Variants in NTM observed in about 807,000 individuals in gnomAD.
NTM encodes neurotrimin, also known as IgLON family member 2.
A neutral mutation model predicts 42.1 loss-of-function variants in NTM; 13 were observed. That is an observed-to-expected ratio of 0.31 (90% CI 0.20 to 0.49). The LOEUF is 0.49. Among genes scored for constraint, NTM ranks in the 20% least tolerant of loss-of-function variants. NTM has a pLI of 0.99. For synonymous variants in NTM, 187 were observed against 179.2 expected (o/e 1.04, Z -0.35); for missense variants, 373 against 452.8 (o/e 0.82, Z 1.60).
At chr11:131,722,734 T>G (rs73593008) in intron 1 of NTM, among the ~76,000 whole-genome samples, 6,117 of 152,224 alleles carry the variant, frequency 0.04, 414 homozygotes, top group African/African-American at 0.14. Context: ...AGACACTGTC[T>G]CCCATGATGA....
chr11:131,387,574 G>C (rs1565451460), intron 1 of NTM, among the ~76,000 whole-genome samples: 1 of 152,296 alleles, frequency 6.6e-6, no homozygotes, highest in South Asian at 2.1e-4. Context: ...AGAAGAGGGT[G>C]CCTTTAGTTA....
intron 4 of NTM, among the ~76,000 whole-genome samples, chr11:132,280,498 T>C (rs1463132955): frequency 9.4e-6 from 1 of 106,786 alleles, no homozygotes. Flanking sequence ...TTTTTTTTTT[T>C]TTTTTGAGAT....
At chr11:131,659,872 A>T (rs1460166327) in intron 1 of NTM, among the ~76,000 whole-genome samples, 5 of 152,220 alleles carry the variant, frequency 3.3e-5, no homozygotes, top group African/African-American at 1.2e-4. Context: ...GGAGGAGGAA[A>T]GATGGAAAAC....
At chr11:132,010,976 T>G (rs1253096548) in intron 2 of NTM, among the ~76,000 whole-genome samples, 4 of 151,544 alleles carry the variant, frequency 2.6e-5, no homozygotes, top group African/African-American at 7.3e-5. Context: ...TCCCATAAAA[T>G]GAAAGTGACC....
intron 2 of NTM, among the ~76,000 whole-genome samples, chr11:132,069,706 AGGT>A (rs2136131437): frequency 6.7e-6 from 1 of 149,846 alleles, no homozygotes; most frequent in South Asian, 2.1e-4. Context: ...TCACACAGCC[AGGT>A]TAACACGTCA....
At chr11:132,075,241 C>T (rs1217757923) in intron 2 of NTM, among the ~76,000 whole-genome samples, 1 of 152,122 alleles carries the variant, frequency 6.6e-6, no homozygotes, top group African/African-American at 2.4e-5. Context: ...TTCTGGAAGT[C>T]TCCTGTACAA....
chr11:131,439,189 A>G (rs925107853), intron 1 of NTM, among the ~76,000 whole-genome samples: 1 of 152,112 alleles, frequency 6.6e-6, no homozygotes, highest in African/African-American at 2.4e-5. Flanking sequence ...TTCATCCCAG[A>G]GGGTCATCTG....
At chr11:131,908,404 G>A (rs1182347478) in intron 1 of NTM, among the ~76,000 whole-genome samples, 2 of 152,186 alleles carry the variant, frequency 1.3e-5, no homozygotes, top group Non-Finnish European at 2.9e-5. Context: ...CATATCCCTA[G>A]ATGCAAAAAC....
intron 1 of NTM, among the ~76,000 whole-genome samples, chr11:131,598,875 T>TTCTTC (rs2060192027): frequency 2.9e-5 from 1 of 35,004 alleles, no homozygotes; most frequent in African/African-American, 9.9e-5. Flanking sequence ...CTTCCTTCCT[T>TTCTTC]CTTCCTTCCT....
chr11:131,792,087 T>C (rs1394433743), intron 1 of NTM, among the ~76,000 whole-genome samples: 1 of 152,160 alleles, frequency 6.6e-6, no homozygotes, highest in African/African-American at 2.4e-5. Context: ...CTTTTCTGTT[T>C]TAAATAACTT....
chr11:132,320,485 G>T (rs374617896), intron 7 of NTM, among the ~76,000 whole-genome samples: 2 of 152,134 alleles, frequency 1.3e-5, no homozygotes, highest in Non-Finnish European at 2.9e-5. Flanking sequence ...AAAAAACGGC[G>T]CACCATGAGA....
intron 1 of NTM, among the ~76,000 whole-genome samples, chr11:131,680,010 A>T (rs755449192): frequency 6.6e-6 from 1 of 152,208 alleles, no homozygotes; most frequent in Non-Finnish European, 1.5e-5. Context: ...ATGATATTTT[A>T]TAGCAATATT....
intron 1 of NTM, among the ~76,000 whole-genome samples, chr11:131,528,141 C>T (rs1452569895): frequency 6.6e-6 from 1 of 152,154 alleles, no homozygotes; most frequent in Admixed American, 6.5e-5. Context: ...ACCTCTCTAT[C>T]TTTATGCTTG....
intron 2 of NTM, among the ~76,000 whole-genome samples, chr11:132,130,403 T>G (rs776303521): frequency 6.6e-6 from 1 of 152,194 alleles, no homozygotes; most frequent in Admixed American, 6.5e-5. Context: ...CTTGTTTTTT[T>G]AATTCCCGTG....
Position 131,370,839 on chromosome 11 carries a change from T to C in NTM, c.33T>C (p.Ser11=), listed in dbSNP as rs373562985. ...CCATCCAGCCAAAAATGCACAATTC[T>C]ATCTCTTGGGCAATCTTCACGGGGC... MKTIQPKMHN[S]ISWAIFTGLA... is the part of the protein sequence containing the mutation. Residue 11 remains serine (S), a synonymous_variant, in exon 1 of 9, where the codon TCT becomes TCC. Coordinates refer to ENST00000683400, the MANE Select transcript of NTM (RefSeq NM_001352005.2). The C allele has an allele frequency of 1.9e-6, 3 of 1,614,146 alleles. No individual in the cohort carries two copies. The highest frequency in any genetic ancestry group is 2.7e-5 in the African/African-American group (2 of 75,056).
intron 1 of NTM, among the ~76,000 whole-genome samples, chr11:131,576,219 G>T (rs1211266333): frequency 6.6e-6 from 1 of 152,170 alleles, no homozygotes; most frequent in Non-Finnish European, 1.5e-5. Context: ...CACATTGGCT[G>T]CATATTCTAT....
rs1201861416 is a variant in NTM at position 132,244,060 on chromosome 11, T to C, written c.526+31913T>C. Among the ~76,000 whole-genome samples the C allele has an allele frequency of 1.6e-4, 24 of 152,200 alleles. 1 individual carries two copies. The highest frequency in any genetic ancestry group is 1.6e-3 in the Admixed American group (24 of 15,284). On this transcript the variant is annotated intron_variant, in intron 4 of 8. Transcript: ENST00000683400. ...TGTCACTAATTACACTGCAGATCCGTAAATCATTCCAGGCTGGGGCTGACA... is the reference window on the plus strand; with the variant it reads ...TGTCACTAATTACACTGCAGATCCGCAAATCATTCCAGGCTGGGGCTGACA...
At chr11:132,026,546 T>A (rs7111127) in intron 2 of NTM, among the ~76,000 whole-genome samples, 65 of 152,372 alleles carry the variant, frequency 4.3e-4, no homozygotes, top group African/African-American at 1.5e-3. Flanking sequence ...ACTGGTTTTT[T>A]ATCTACAATA....
Position 131,747,892 on chromosome 11 carries a change from C to G in NTM, c.83-163672C>G, listed in dbSNP as rs2082013353. Among the ~76,000 whole-genome samples the G allele has an allele frequency of 2.0e-5, 3 of 152,162 alleles. No individual in the cohort carries two copies. In the South Asian group the frequency reaches 6.2e-4, roughly 32 times the overall value. On this transcript the variant is annotated intron_variant, in intron 1 of 8. Transcript: ENST00000683400. ...TTATCCTGTGATCCCAGGAATGTCT[C>G]CACCAGGACACAACCAACACATCAC...
Sources: allele counts gnomAD v4.1 joint callset (sites outside exome capture counted in the v4.1 genomes callset), GRCh38; gene constraint gnomAD v4.1.1; transcripts MANE v1.5; gene names NCBI Gene and HGNC (gene_info 2026-07-23, HGNC 2026-07-21).